The following WDPCP variants were observed in gnomAD, a reference collection of about 807,000 sequenced individuals.
WDPCP encodes WD repeat containing planar cell polarity effector.
Under a neutral mutation model 93.1 loss-of-function variants are expected in WDPCP, and 71 were observed. That is an observed-to-expected ratio of 0.76 (90% CI 0.63 to 0.93). WDPCP has a LOEUF of 0.93. Among genes scored for constraint, WDPCP ranks in the 40% least tolerant of loss-of-function variants. The pLI is 0.00. For synonymous variants in WDPCP, 315 were observed against 315.0 expected (o/e 1.00, Z 0.00); for missense variants, 844 against 887.4 (o/e 0.95, Z 0.62).
At chr2:63,266,520 G>T (rs1297565613) in intron 13 of WDPCP, among the ~76,000 whole-genome samples, 1 of 152,160 alleles carries the variant, frequency 6.6e-6, no homozygotes, top group Non-Finnish European at 1.5e-5. Context: ...TAAATGGAAA[G>T]ATATCGGCTG....
chr2:63,460,800 G>C (rs776776690), intron 6 of WDPCP, among the ~76,000 whole-genome samples: 1 of 151,882 alleles, frequency 6.6e-6, no homozygotes, highest in Non-Finnish European at 1.5e-5. Flanking sequence ...CTAATTTTTT[G>C]TATTTTTAGT....
At chr2:63,216,455 G>C (rs186083479) in intron 14 of WDPCP, among the ~76,000 whole-genome samples, 1 of 152,078 alleles carries the variant, frequency 6.6e-6, no homozygotes, top group Non-Finnish European at 1.5e-5. Flanking sequence ...ACTATCACAA[G>C]GATAGAAAAC....
chr2:63,489,645 A>G (rs1209749318), intron 2 of WDPCP, among the ~76,000 whole-genome samples: 7 of 152,168 alleles, frequency 4.6e-5, no homozygotes, highest in Non-Finnish European at 1.0e-4. Flanking sequence ...TCAAAAAGAC[A>G]CAGAAGCCAG....
chr2:63,221,852 T>A (rs1424723149), intron 14 of WDPCP, among the ~76,000 whole-genome samples: 1 of 152,188 alleles, frequency 6.6e-6, no homozygotes, highest in African/African-American at 2.4e-5. Context: ...AAGCAAAACC[T>A]TGTATTTTTT....
intron 3 of WDPCP, chr2:63,597,619 G>A: frequency 7.5e-7 from 1 of 1,331,832 alleles, no homozygotes; most frequent in Admixed American, 3.0e-5. Context: ...ATTAGCATTT[G>A]AAACTTATGC....
chr2:63,747,064 G>C (rs577803552), intron 2 of WDPCP, among the ~76,000 whole-genome samples: 1 of 152,080 alleles, frequency 6.6e-6, no homozygotes, highest in East Asian at 1.9e-4. Flanking sequence ...CTGACACTTA[G>C]GGAAAATAGA....
At chr2:63,540,917 T>C (rs1313888791) in intron 1 of WDPCP, among the ~76,000 whole-genome samples, 2 of 151,940 alleles carry the variant, frequency 1.3e-5, no homozygotes, top group Non-Finnish European at 2.9e-5. Flanking sequence ...CTAATTTTTG[T>C]GTTTTTCTGT....
intron 6 of WDPCP, among the ~76,000 whole-genome samples, chr2:63,461,669 G>A (rs1189699941): frequency 6.6e-6 from 1 of 152,150 alleles, no homozygotes; most frequent in Non-Finnish European, 1.5e-5. Context: ...GACCAGTTTT[G>A]TTGATGTTAT....
At chr2:63,571,326 A>G in intron 1 of WDPCP, 1 of 448,824 alleles carries the variant, frequency 2.2e-6, no homozygotes, top group Non-Finnish European at 4.4e-6. Flanking sequence ...TTTTAAACTT[A>G]GTCATTTTTT....
chr2:63,148,588 A>ACCAC (rs1671681352), intron 17 of WDPCP, among the ~76,000 whole-genome samples: 3 of 151,838 alleles, frequency 2.0e-5, no homozygotes. Flanking sequence ...TTCTGGCCTC[A>ACCAC]CGTGATCCAC....
At chr2:63,184,210 T>A (rs578250281) in intron 14 of WDPCP, among the ~76,000 whole-genome samples, 91 of 152,272 alleles carry the variant, frequency 6.0e-4, no homozygotes, top group African/African-American at 2.1e-3. Context: ...GCATCTTTTT[T>A]TCCCTCTTTC....
At chr2:63,687,274 A>C (rs755796102) in intron 2 of WDPCP, among the ~76,000 whole-genome samples, 1 of 152,234 alleles carries the variant, frequency 6.6e-6, no homozygotes, top group African/African-American at 2.4e-5. Flanking sequence ...GAGTGGGCAA[A>C]GATTTCTTGA....
upstream of WDPCP, chr2:63,588,896 C>T: frequency 9.4e-7 from 1 of 1,061,252 alleles, no homozygotes; most frequent in Admixed American, 1.8e-5. Context: ...GCAGCGTAAA[C>T]TACAGTTCCC....
At chr2:63,219,148 C>T (rs563165711) in intron 14 of WDPCP, among the ~76,000 whole-genome samples, 85 of 152,212 alleles carry the variant, frequency 5.6e-4, no homozygotes, top group African/African-American at 7.9e-4. Context: ...GATGCTTTTA[C>T]GAGCCAAAAC....
chr2:63,514,554 G>A lies in WDPCP; in HGVS notation c.76-21614C>T, dbSNP rs181387223. ...CAGGATAATTCAGCACTTTGGCTTTGCAACATTCCATGATGTCACCTGGCA... is the reference window on the plus strand; with the variant it reads ...CAGGATAATTCAGCACTTTGGCTTTACAACATTCCATGATGTCACCTGGCA... On this transcript the variant is annotated intron_variant, in intron 1 of 17. Transcript: ENST00000272321. 1.7e-3 allele frequency among the ~76,000 whole-genome samples: 257 copies of A among 152,238 alleles called. 9 individuals are homozygous for A. Among genetic ancestry groups the A allele is most frequent in the Admixed American group, 1.2e-3 (19 of 15,286 alleles).
intron 10 of WDPCP, among the ~76,000 whole-genome samples, chr2:63,393,554 GA>G (rs907002356): frequency 1.3e-5 from 2 of 150,454 alleles, no homozygotes; most frequent in African/African-American, 2.4e-5. Flanking sequence ...TAAAAAAGGG[GA>G]AAAAAAAGAA....
At chr2:63,644,073 G>A (rs1187339669) in intron 3 of WDPCP, 1 of 361,588 alleles carries the variant, frequency 2.8e-6, no homozygotes, top group Non-Finnish European at 5.4e-6. Context: ...AAAGAGTGAT[G>A]AATGATCTTT....
intron 2 of WDPCP, among the ~76,000 whole-genome samples, chr2:63,652,421 C>A (rs926034652): frequency 1.3e-5 from 2 of 152,182 alleles, no homozygotes; most frequent in Non-Finnish European, 2.9e-5. Context: ...TCAACGCAAG[C>A]AAAGGTGTGT....
chr2:63,207,392 C>G (rs946410214), intron 14 of WDPCP, among the ~76,000 whole-genome samples: 7 of 152,152 alleles, frequency 4.6e-5, no homozygotes, highest in African/African-American at 9.7e-5. Context: ...CCCTACCACC[C>G]TGATTGTAAG....
Sources: allele counts gnomAD v4.1 joint callset (sites outside exome capture counted in the v4.1 genomes callset), GRCh38; gene constraint gnomAD v4.1.1; transcripts MANE v1.5; gene names NCBI Gene and HGNC (gene_info 2026-07-23, HGNC 2026-07-21).